PTPRD: variants seen among roughly 807,000 people sequenced by gnomAD.
The protein encoded by PTPRD is receptor-type tyrosine-protein phosphatase delta.
A neutral mutation model predicts 214.5 loss-of-function variants in PTPRD; 34 were observed. That is an observed-to-expected ratio of 0.16 (90% CI 0.12 to 0.21). The LOEUF (loss-of-function observed/expected upper bound fraction) is 0.21, where lower values mean the gene tolerates loss of function less well. PTPRD is among the 10% of genes least tolerant of loss of function. The pLI is 1.00. For synonymous variants in PTPRD, 1,128 were observed against 845.7 expected, an observed-to-expected ratio of 1.33 and a Z score of -5.79; for missense variants, 2,545 against 2,398.7, an observed-to-expected ratio of 1.06 and a Z score of -1.27.
intron 2 of PTPRD, among the ~76,000 whole-genome samples, chr9:10,417,223 T>A (rs1046924648): frequency 2.6e-4 from 40 of 152,086 alleles, no homozygotes; most frequent in African/African-American, 8.9e-4. Context: ...AATCAAGTTC[T>A]ATTAAGACAA....
intron 8 of PTPRD, among the ~76,000 whole-genome samples, chr9:9,460,636 A>T (rs1354077650): frequency 2.0e-5 from 3 of 152,142 alleles, no homozygotes; most frequent in African/African-American, 4.8e-5. Flanking sequence ...ACCATCTTAT[A>T]CCAAATAGAA....
chr9:9,440,204 T>A (rs2086993567), intron 8 of PTPRD, among the ~76,000 whole-genome samples: 1 of 152,230 alleles, frequency 6.6e-6, no homozygotes, highest in Non-Finnish European at 1.5e-5. Flanking sequence ...CCTAAAATTA[T>A]TACCAACTTC....
intron 10 of PTPRD, among the ~76,000 whole-genome samples, chr9:9,154,296 C>A (rs2099879353): frequency 6.6e-6 from 1 of 152,164 alleles, no homozygotes; most frequent in Non-Finnish European, 1.5e-5. Context: ...GTTGCCATAA[C>A]AAAATACCAC....
chr9:8,678,804 G>C (rs1280362640), intron 12 of PTPRD, among the ~76,000 whole-genome samples: 1 of 152,148 alleles, frequency 6.6e-6, no homozygotes, highest in Non-Finnish European at 1.5e-5. Context: ...TTTATATCCA[G>C]TCTAATAACA....
chr9:9,888,469 T>C (rs567046698), intron 5 of PTPRD, among the ~76,000 whole-genome samples: 6 of 152,050 alleles, frequency 3.9e-5, no homozygotes, highest in African/African-American at 1.4e-4. Flanking sequence ...TAGGTGGTGT[T>C]TGGGTCATGG....
chr9:9,437,356 T>C (rs746831101), intron 8 of PTPRD, among the ~76,000 whole-genome samples: 1 of 152,212 alleles, frequency 6.6e-6, no homozygotes, highest in Non-Finnish European at 1.5e-5. Context: ...GAATATAACT[T>C]ATAATTTTTG....
chr9:8,753,463 C>G (rs890790534), intron 11 of PTPRD, among the ~76,000 whole-genome samples: 1 of 152,286 alleles, frequency 6.6e-6, no homozygotes, highest in Non-Finnish European at 1.5e-5. Flanking sequence ...ACTCAAGCTT[C>G]TTAAAGGAAT....
At chr9:9,189,700 A>G (rs2099933921) in intron 9 of PTPRD, among the ~76,000 whole-genome samples, 1 of 152,076 alleles carries the variant, frequency 6.6e-6, no homozygotes, top group African/African-American at 2.4e-5. Context: ...GCATAAGCCT[A>G]GCATACAGTG....
intron 2 of PTPRD, among the ~76,000 whole-genome samples, chr9:10,459,163 C>G (rs7046911): frequency 2.6e-5 from 4 of 152,130 alleles, no homozygotes; most frequent in Non-Finnish European, 5.9e-5. Context: ...GTTCTCTGTC[C>G]TTGTGCCAGT....
intron 3 of PTPRD, among the ~76,000 whole-genome samples, chr9:10,330,959 T>A (rs1217082349): frequency 2.0e-5 from 3 of 151,812 alleles, no homozygotes; most frequent in African/African-American, 7.2e-5. Context: ...GAATTCCAGT[T>A]TATCTTTATG....
chr9:8,370,207 TACACACACACACAC>T (rs78658053), intron 39 of PTPRD, among the ~76,000 whole-genome samples: 4 of 81,974 alleles, frequency 4.9e-5, no homozygotes, highest in African/African-American at 1.1e-4. Flanking sequence ...CATATATATA[TACACACACACACAC>T]ACACACACAC....
At chr9:9,516,323 T>C (rs929829946) in intron 8 of PTPRD, among the ~76,000 whole-genome samples, 1 of 151,988 alleles carries the variant, frequency 6.6e-6, no homozygotes, top group Admixed American at 6.6e-5. Context: ...TTTTGTTGTC[T>C]TGTGAGAAAA....
intron 11 of PTPRD, among the ~76,000 whole-genome samples, chr9:8,847,552 T>A (rs2097723366): frequency 6.6e-6 from 1 of 152,126 alleles, no homozygotes; most frequent in African/African-American, 2.4e-5. Flanking sequence ...AAAGACCGAG[T>A]AATTTTCCAT....
chr9:10,247,738 G>A (rs1013012082), intron 3 of PTPRD, among the ~76,000 whole-genome samples: 4 of 152,128 alleles, frequency 2.6e-5, no homozygotes, highest in African/African-American at 9.7e-5. Context: ...GGGAGCCAGA[G>A]GAGAGAAAGA....
intron 2 of PTPRD, among the ~76,000 whole-genome samples, chr9:10,430,686 A>G (rs1001291244): frequency 1.3e-5 from 2 of 152,094 alleles, no homozygotes; most frequent in Admixed American, 6.6e-5. Context: ...ATAAAAATAT[A>G]TAACTGAAAT....
intron 10 of PTPRD, among the ~76,000 whole-genome samples, chr9:9,161,606 G>A (rs1368537954): frequency 1.3e-5 from 2 of 151,948 alleles, no homozygotes; most frequent in African/African-American, 4.8e-5. Flanking sequence ...CAATCCTGGG[G>A]GAGCAAATAT....
In PTPRD at chr9:9,277,581, A is replaced by T. The variant is rs753175517; in HGVS notation, c.-202-94218T>A. 1.2e-3 allele frequency among the ~76,000 whole-genome samples: 183 copies of T among 151,432 alleles called. 1 individual carries two copies. Among genetic ancestry groups the T allele is most frequent in the South Asian group, 4.1e-3 (20 of 4,826 alleles). On this transcript the variant is annotated intron_variant, in intron 9 of 45. Transcript: ENST00000381196. Reference sequence around the variant, plus strand: ...AAATATTAAACAATTTTGTTGCTTTATTTATTATACACATCTATCTGTGAC... The same window carrying T: ...AAATATTAAACAATTTTGTTGCTTTTTTTATTATACACATCTATCTGTGAC...
intron 3 of PTPRD, among the ~76,000 whole-genome samples, chr9:10,180,341 C>G (rs886163413): frequency 2.6e-5 from 4 of 151,940 alleles, no homozygotes; most frequent in African/African-American, 9.7e-5. Context: ...AAACAGCCCA[C>G]ATGATCTGCA....
intron 3 of PTPRD, among the ~76,000 whole-genome samples, chr9:10,205,368 T>A (rs1488608624): frequency 1.5e-5 from 1 of 67,018 alleles, no homozygotes; most frequent in African/African-American, 7.0e-5. Flanking sequence ...CTTCTTCTTC[T>A]TTATTTTATT....
Sources: allele counts gnomAD v4.1 joint callset (sites outside exome capture counted in the v4.1 genomes callset), GRCh38; gene constraint gnomAD v4.1.1; transcripts MANE v1.5; gene names NCBI Gene and HGNC (gene_info 2026-07-23, HGNC 2026-07-21).